The following SLC30A8 variants were observed in gnomAD, a reference collection of about 807,000 sequenced individuals.
The protein encoded by SLC30A8 is proton-coupled zinc antiporter SLC30A8.
SLC30A8 carries 27 observed loss-of-function variants against 36.9 expected under a neutral mutation model. The observed-to-expected ratio is 0.73, with a 90% confidence interval of 0.54 to 1.01. The LOEUF (loss-of-function observed/expected upper bound fraction) is 1.01. Among genes scored for constraint, SLC30A8 ranks in the 50% least tolerant of loss-of-function variants. The pLI, the probability that SLC30A8 is intolerant of heterozygous loss-of-function variation, is 0.00. For missense variants in SLC30A8, 439 were observed against 452.0 expected (o/e 0.97, Z 0.26); for synonymous variants, 164 against 172.4 (o/e 0.95, Z 0.38).
chr8:117,158,662 C>A (rs1048424939), intron 4 of SLC30A8, among the ~76,000 whole-genome samples: 4 of 152,222 alleles, frequency 2.6e-5, no homozygotes, highest in Admixed American at 2.0e-4. Flanking sequence ...CCAAAATGAA[C>A]TACTGGATTG....
chr8:117,106,393 G>T (rs1819995637), intron 2 of SLC30A8, among the ~76,000 whole-genome samples: 1 of 152,124 alleles, frequency 6.6e-6, no homozygotes, highest in African/African-American at 2.4e-5. Flanking sequence ...AAAAGTAATG[G>T]CAGAAACCAC....
At chr8:117,129,123 A>G (rs965840306) in intron 2 of SLC30A8, among the ~76,000 whole-genome samples, 1 of 152,044 alleles carries the variant, frequency 6.6e-6, no homozygotes, top group Admixed American at 6.6e-5. Context: ...TCTACCCAGC[A>G]AGGAGTTTCA....
At position 117,139,710 on chromosome 8, in the gene SLC30A8, G is replaced by A. The variant is rs1821554723; in HGVS notation, c.71+4312G>A. On this transcript the variant is annotated intron_variant, in intron 1 of 7. Transcript: ENST00000456015. ...ACAATCACTTAACAGTGAGATAGTGGAAAGAAACAGTCAAAGTGAACACTA... is the reference window on the plus strand; with the variant it reads ...ACAATCACTTAACAGTGAGATAGTGAAAAGAAACAGTCAAAGTGAACACTA... Among the ~76,000 whole-genome samples, 3 of 152,132 alleles carry A rather than the reference G, an allele frequency of 2.0e-5. No individual in the cohort carries two copies. The South Asian group carries it at 6.2e-4, about 32-fold the overall frequency.
intron 2 of SLC30A8, among the ~76,000 whole-genome samples, chr8:117,125,707 G>A (rs1043287622): frequency 6.6e-6 from 1 of 151,912 alleles, no homozygotes. Flanking sequence ...CTGAGAAAAG[G>A]CAATTAGTTT....
At chr8:116,974,010 C>G (rs986349718) in intron 1 of SLC30A8, among the ~76,000 whole-genome samples, 1 of 152,176 alleles carries the variant, frequency 6.6e-6, no homozygotes, top group Non-Finnish European at 1.5e-5. Flanking sequence ...AACTGGATCC[C>G]TTCCTTACAC....
At chr8:117,001,204 C>CTTTTTT (rs34639384) in intron 1 of SLC30A8, among the ~76,000 whole-genome samples, 1 of 78,306 alleles carries the variant, frequency 1.3e-5, no homozygotes, top group African/African-American at 4.8e-5. Flanking sequence ...TTGCTAGGGG[C>CTTTTTT]TTTTTTTTTT....
intron 1 of SLC30A8, among the ~76,000 whole-genome samples, chr8:117,143,410 T>C (rs1284251829): frequency 1.3e-5 from 2 of 152,162 alleles, no homozygotes; most frequent in Non-Finnish European, 2.9e-5. Flanking sequence ...CAGGATTTAT[T>C]CATTAACAGC....
Position 117,163,481 on chromosome 8 carries a change from G to GGCCA in SLC30A8, c.783_786dup (p.Thr263GlnfsTer75). ...CATTCATCTTTTCCATCCTGGTCTT[G>GGCCA]GCCAGCACCATCACTATCTTAAAGG... On this transcript the variant is annotated frameshift_variant, in exon 6 of 8. Coordinates refer to ENST00000456015, the MANE Select transcript of SLC30A8 (RefSeq NM_173851.3). LOFTEE classifies it high-confidence loss of function. 5.0e-6 allele frequency: 8 copies of GGCCA among 1,613,288 alleles called. No individual in the cohort carries two copies. The highest frequency in any genetic ancestry group is 5.9e-6 in the Non-Finnish European group (7 of 1,179,664).
rs141964611 is a variant in SLC30A8, at chr8:117,036,709, A to G, written c.-265-2510A>G. Among the ~76,000 whole-genome samples, 5 of 152,244 alleles carry G rather than the reference A, an allele frequency of 3.3e-5. No individual in the cohort carries two copies. The East Asian group carries it at 7.7e-4, about 24-fold the overall frequency. ...CTAACACGAGAATAGCATGGGGGAA[A>G]CCACCCCCATGATTCAATCACCTCC... On this transcript the variant is annotated intron_variant, in intron 1 of 10. Transcript: ENST00000427715.
At chr8:117,021,384 T>A (rs1002479893) in intron 1 of SLC30A8, among the ~76,000 whole-genome samples, 8 of 152,222 alleles carry the variant, frequency 5.3e-5, no homozygotes, top group Admixed American at 6.5e-5. Flanking sequence ...AAATGCACCT[T>A]GTTTTCTTAA....
chr8:116,982,730 C>G (rs57434374), intron 1 of SLC30A8, among the ~76,000 whole-genome samples: 5,883 of 152,156 alleles, frequency 0.039, 373 homozygotes, highest in African/African-American at 0.13. Flanking sequence ...AATAATCTCT[C>G]ACACGTGAAA....
At chr8:117,051,607 A>G (rs1162729937) in intron 2 of SLC30A8, among the ~76,000 whole-genome samples, 5 of 152,036 alleles carry the variant, frequency 3.3e-5, no homozygotes, top group Non-Finnish European at 7.4e-5. Context: ...AGGTCAGGAG[A>G]TCGAGACCAT....
chr8:117,036,575 G>A (rs539605300), intron 1 of SLC30A8, among the ~76,000 whole-genome samples: 8 of 152,262 alleles, frequency 5.3e-5, no homozygotes, highest in East Asian at 1.9e-4. Flanking sequence ...CAATCATGGC[G>A]GAAGGGGAAG....
chr8:117,050,342 A>G (rs936871295), intron 2 of SLC30A8, among the ~76,000 whole-genome samples: 1 of 151,524 alleles, frequency 6.6e-6, no homozygotes, highest in Admixed American at 6.6e-5. Flanking sequence ...CATGCAAATG[A>G]GGGGGAGCAA....
intron 2 of SLC30A8, among the ~76,000 whole-genome samples, chr8:117,097,103 C>A (rs7826750): frequency 0.35 from 52,368 of 151,428 alleles, 10,807 homozygotes; most frequent in African/African-American, 0.58. Context: ...TAATTTAAAA[C>A]TTATATAAGT....
chr8:117,012,143 A>G (rs1816363603), intron 1 of SLC30A8, among the ~76,000 whole-genome samples: 1 of 152,166 alleles, frequency 6.6e-6, no homozygotes, highest in Non-Finnish European at 1.5e-5. Context: ...CTCATTTTGT[A>G]TTTAGCATAT....
At chr8:117,151,058 T>C (rs1586591701) in intron 2 of SLC30A8, among the ~76,000 whole-genome samples, 1 of 152,308 alleles carries the variant, frequency 6.6e-6, no homozygotes, top group South Asian at 2.1e-4. Context: ...CAGGCTCATT[T>C]CCCATTTTTC....
intron 1 of SLC30A8, among the ~76,000 whole-genome samples, chr8:117,137,672 C>T (rs1374296364): frequency 6.6e-6 from 1 of 151,942 alleles, no homozygotes; most frequent in Non-Finnish European, 1.5e-5. Flanking sequence ...CTTCCCATGG[C>T]TTCTCTCCCT....
chr8:117,077,224 A>G (rs1818517823), intron 2 of SLC30A8, among the ~76,000 whole-genome samples: 1 of 152,278 alleles, frequency 6.6e-6, no homozygotes, highest in African/African-American at 2.4e-5. Context: ...GAATCCCCGG[A>G]GGAGCTTGTT....
Sources: gnomAD v4.1 joint callset for allele counts (sites outside exome capture counted in the v4.1 genomes callset) on GRCh38, gnomAD v4.1.1 for gene constraint, MANE v1.5 for transcripts, NCBI Gene and HGNC (gene_info 2026-07-23, HGNC 2026-07-21) for gene names.